Variants in PPP1R9A observed in about 807,000 individuals in gnomAD.
PPP1R9A encodes the protein neurabin-1.
A neutral mutation model predicts 141.9 loss-of-function variants in PPP1R9A; 59 were observed. The observed-to-expected ratio is 0.42, with a 90% CI of 0.34 to 0.52. PPP1R9A has a LOEUF of 0.52. PPP1R9A is among the 20% of genes least tolerant of loss of function. PPP1R9A has a pLI of 0.10. For missense variants in PPP1R9A, 1,444 were observed against 1,611.9 expected (o/e 0.90, Z 1.78); for synonymous variants, 500 against 569.7 (o/e 0.88, Z 1.74).
At chr7:95,203,575 A>C in intron 6 of PPP1R9A, 90 bp from the exon 7 acceptor site, 1 of 936,906 alleles carries the variant, frequency 1.1e-6, no homozygotes, top group Non-Finnish European at 1.6e-6. Flanking sequence ...TACAGTAAGC[A>C]CTGGGACTCA....
intron 2 of PPP1R9A, among the ~76,000 whole-genome samples, chr7:95,110,556 C>G (rs1023220489): frequency 2.3e-4 from 35 of 152,098 alleles, no homozygotes; most frequent in Admixed American, 2.2e-3. Flanking sequence ...ATAAACATTT[C>G]AGCAGAAATA....
At chr7:94,930,239 GC>G (rs1793986156) in intron 2 of PPP1R9A, among the ~76,000 whole-genome samples, 1 of 152,198 alleles carries the variant, frequency 6.6e-6, no homozygotes, top group Non-Finnish European at 1.5e-5. Context: ...TGATGGGGGA[GC>G]CCCACATTTT....
intron 5 of PPP1R9A, among the ~76,000 whole-genome samples, chr7:95,177,400 A>G (rs1833058254): frequency 6.6e-6 from 1 of 152,170 alleles, no homozygotes; most frequent in South Asian, 2.1e-4. Flanking sequence ...ATGGAAACGC[A>G]TCAAAACAAA....
chr7:95,094,903 A>AAAAAAAAC (rs1817828995), intron 2 of PPP1R9A, among the ~76,000 whole-genome samples: 2 of 148,812 alleles, frequency 1.3e-5, no homozygotes, highest in Non-Finnish European at 3.0e-5. Context: ...AAAAAAAAAA[A>AAAAAAAAC]AAGGAACAAA....
At position 94,972,045 on chromosome 7, in the gene PPP1R9A, A is replaced by G. The variant is rs189553002; in HGVS notation, c.1395+60537A>G. ...TGTATTCTCATAATGAGTTGATTCT[A>G]AATTAAAATACAGAGATATTTCTGT... On this transcript the variant is annotated intron_variant, in intron 2 of 19. Coordinates refer to ENST00000433360, the MANE Select transcript of PPP1R9A (RefSeq NM_001166160.2). Among the ~76,000 whole-genome samples the G allele has an allele frequency of 5.3e-5, 8 of 152,330 alleles. No homozygotes were observed. In the East Asian group the frequency reaches 1.5e-3, roughly 29 times the overall value.
At chr7:94,937,457 CCTGT>C (rs1389464851) in intron 2 of PPP1R9A, among the ~76,000 whole-genome samples, 2 of 152,100 alleles carry the variant, frequency 1.3e-5, no homozygotes, top group Non-Finnish European at 2.9e-5. Flanking sequence ...AAAGTCTTGG[CCTGT>C]CTTTTACAGA....
Position 94,910,449 on chromosome 7 carries a change from A to C in PPP1R9A, c.336A>C (p.Ser112=), listed in dbSNP as rs1180894636. 1.9e-6 allele frequency: 3 copies of C among 1,614,104 alleles called. No homozygotes were observed. In the African/African-American group the frequency reaches 4.0e-5, roughly 22 times the overall value. ...PKEFLEKTDG[S]VVKLESSVSE... Reference sequence around the variant, plus strand: ...AATTTCTGGAAAAAACAGATGGCTCAGTTGTTAAGTTGGAGTCTTCTGTTT... The same window carrying C: ...AATTTCTGGAAAAAACAGATGGCTCCGTTGTTAAGTTGGAGTCTTCTGTTT... The change falls in exon 2 of 20, where the codon TCA becomes TCC. Residue 112 remains serine, a synonymous_variant. Coordinates refer to ENST00000433360, the MANE Select transcript of PPP1R9A (RefSeq NM_001166160.2). The surrounding 1 kb of genome is among the most constrained non-coding windows in gnomAD (Gnocchi z 4.5).
chr7:95,074,766 G>A (rs1303068036), intron 2 of PPP1R9A, among the ~76,000 whole-genome samples: 1 of 152,024 alleles, frequency 6.6e-6, no homozygotes, highest in Non-Finnish European at 1.5e-5. Context: ...GATCCATCGT[G>A]CCCGGCCCAA....
At chr7:95,141,336 A>G (rs765080415) in intron 4 of PPP1R9A, among the ~76,000 whole-genome samples, 8 of 152,188 alleles carry the variant, frequency 5.3e-5, no homozygotes, top group Non-Finnish European at 1.2e-4. Flanking sequence ...TTATTTTTTT[A>G]CACCTTTATT....
intron 5 of PPP1R9A, among the ~76,000 whole-genome samples, chr7:95,184,099 T>C (rs1205653920): frequency 6.6e-6 from 1 of 152,174 alleles, no homozygotes; most frequent in East Asian, 1.9e-4. Context: ...GACTTTTAAC[T>C]CTTAACTACT....
chr7:95,128,667 C>T (rs1388296355), intron 4 of PPP1R9A, among the ~76,000 whole-genome samples: 3 of 152,158 alleles, frequency 2.0e-5, no homozygotes, highest in Non-Finnish European at 4.4e-5. Flanking sequence ...ACCTCTGCCT[C>T]CTGGGTTCAA....
intron 7 of PPP1R9A, among the ~76,000 whole-genome samples, chr7:95,225,655 A>G (rs1391936807): frequency 6.6e-6 from 1 of 152,146 alleles, no homozygotes; most frequent in Non-Finnish European, 1.5e-5. Flanking sequence ...CCTCAGCAAC[A>G]TAATTTTATT....
At chr7:94,986,387 C>T (rs932302917) in intron 2 of PPP1R9A, among the ~76,000 whole-genome samples, 1 of 152,060 alleles carries the variant, frequency 6.6e-6, no homozygotes, top group Non-Finnish European at 1.5e-5. Flanking sequence ...TGAACTAAGT[C>T]AGGCACAGAA....
At chr7:95,145,703 C>T (rs1275559868) in intron 4 of PPP1R9A, among the ~76,000 whole-genome samples, 3 of 152,034 alleles carry the variant, frequency 2.0e-5, no homozygotes, top group Non-Finnish European at 2.9e-5. Context: ...CCCTGTGCCC[C>T]TATGTTCTCA....
At chr7:94,977,564 T>G (rs1375510563) in intron 2 of PPP1R9A, among the ~76,000 whole-genome samples, 1 of 151,820 alleles carries the variant, frequency 6.6e-6, no homozygotes, top group East Asian at 1.9e-4. Context: ...ATGGGGTGAG[T>G]TCAGGAGAGA....
chr7:94,947,709 T>G (rs1796043322), intron 2 of PPP1R9A, among the ~76,000 whole-genome samples: 1 of 152,154 alleles, frequency 6.6e-6, no homozygotes, highest in African/African-American at 2.4e-5. Flanking sequence ...AGATTGGTGC[T>G]AATTTATAGT....
chr7:95,196,898 G>A (rs1185554341), intron 5 of PPP1R9A, among the ~76,000 whole-genome samples: 1 of 152,044 alleles, frequency 6.6e-6, no homozygotes, highest in African/African-American at 2.4e-5. Context: ...GTATTTTATT[G>A]TGTGTAAATT....
chr7:95,100,844 A>ATTT (rs34210406), intron 2 of PPP1R9A, among the ~76,000 whole-genome samples: 11 of 70,162 alleles, frequency 1.6e-4, no homozygotes, highest in East Asian at 9.6e-4. Context: ...TCTTTGTCTG[A>ATTT]TTTTTTTTTT....
At chr7:94,982,978 C>T (rs562068852) in intron 2 of PPP1R9A, among the ~76,000 whole-genome samples, 5 of 152,056 alleles carry the variant, frequency 3.3e-5, no homozygotes, top group East Asian at 1.9e-4. Flanking sequence ...TTTAATCCAT[C>T]TTGAATTAAT....
Sources: gnomAD v4.1 joint callset for allele counts (sites outside exome capture counted in the v4.1 genomes callset) on GRCh38, gnomAD v4.1.1 for gene constraint, Gnocchi (gnomAD v3.1) non-coding constraint, MANE v1.5 for transcripts, NCBI Gene and HGNC (gene_info 2026-07-23, HGNC 2026-07-21) for gene names.